Variants in ZNF423 observed in about 807,000 individuals in gnomAD.
ZNF423 encodes Ebf-associated zinc finger protein.
ZNF423 carries 12 observed loss-of-function variants against 95.8 expected under a neutral mutation model. The ratio of observed to expected loss-of-function variants is 0.13; its 90% confidence interval spans 0.08 to 0.20. ZNF423 has a LOEUF of 0.20. Ranked by LOEUF, ZNF423 falls within the 10% of genes least tolerant of loss-of-function variation. The probability of loss-of-function intolerance (pLI) is 1.00; values close to 1 mark genes in which losing one functional copy is unlikely to be tolerated. For synonymous variants in ZNF423, 749 were observed against 711.9 expected (o/e 1.05, Z -0.83); for missense variants, 1,316 against 1,737.1 (o/e 0.76, Z 4.31).
chr16:49,658,732 C>A (rs991227565), intron 3 of ZNF423, among the ~76,000 whole-genome samples: 12 of 152,262 alleles, frequency 7.9e-5, no homozygotes, highest in Non-Finnish European at 1.3e-4. Context: ...GCAGCTGTGG[C>A]AGGGCATTCC....
intron 3 of ZNF423, among the ~76,000 whole-genome samples, chr16:49,667,158 A>G (rs2030586069): frequency 6.6e-6 from 1 of 152,204 alleles, no homozygotes; most frequent in Non-Finnish European, 1.5e-5. Context: ...TTCCTCATCC[A>G]AAAAATAAGA....
At chr16:49,503,244 A>C (rs952584567) in intron 7 of ZNF423, among the ~76,000 whole-genome samples, 1 of 152,138 alleles carries the variant, frequency 6.6e-6, no homozygotes, top group East Asian at 1.9e-4. Context: ...GGGCCCCTTG[A>C]AGGCCCCCTT....
chr16:49,579,936 T>C (rs1970615709), intron 5 of ZNF423, among the ~76,000 whole-genome samples: 1 of 152,062 alleles, frequency 6.6e-6, no homozygotes. Context: ...TTTCAAATTA[T>C]ACCTTGACGC....
chr16:49,848,551 G>A (rs2035269439), intron 1 of ZNF423, among the ~76,000 whole-genome samples: 1 of 152,134 alleles, frequency 6.6e-6, no homozygotes, highest in Non-Finnish European at 1.5e-5. Context: ...CTCCAAAGGT[G>A]ACATCAGCCC....
At chr16:49,701,073 T>C (rs1199214178) in intron 3 of ZNF423, among the ~76,000 whole-genome samples, 3 of 152,190 alleles carry the variant, frequency 2.0e-5, no homozygotes, top group Non-Finnish European at 4.4e-5. Flanking sequence ...AGAGGCCTCT[T>C]TTCAGCAAGC....
intron 1 of ZNF423, among the ~76,000 whole-genome samples, chr16:49,802,557 C>T (rs2143907594): frequency 6.6e-6 from 1 of 152,304 alleles, no homozygotes; most frequent in South Asian, 2.1e-4. Flanking sequence ...ACGATCAGCG[C>T]ACCATGGGAC....
At chr16:49,754,029 CAA>C (rs35566540) in intron 2 of ZNF423, among the ~76,000 whole-genome samples, 78 of 91,526 alleles carry the variant, frequency 8.5e-4, no homozygotes, top group Admixed American at 1.2e-3. Context: ...AAGACTCCGT[CAA>C]AAAAAAAAAA....
chr16:49,553,564 C>A (rs1000303249), intron 5 of ZNF423, among the ~76,000 whole-genome samples: 3 of 151,950 alleles, frequency 2.0e-5, no homozygotes, highest in African/African-American at 7.3e-5. Context: ...CCAGGCTGGT[C>A]TCAAATGCCT....
At chr16:49,848,515 G>C (rs368144920) in intron 1 of ZNF423, among the ~76,000 whole-genome samples, 5 of 128,738 alleles carry the variant, frequency 3.9e-5, no homozygotes, top group Admixed American at 7.5e-5. Flanking sequence ...CCAGGCCTCT[G>C]TCTCTCTCCC....
At chr16:49,573,731 A>C (rs1447356784) in intron 5 of ZNF423, among the ~76,000 whole-genome samples, 2 of 152,172 alleles carry the variant, frequency 1.3e-5, no homozygotes, top group African/African-American at 4.8e-5. Flanking sequence ...ACACATTCAA[A>C]CCATTGCATC....
Position 49,738,954 on chromosome 16 carries a change from A to C in ZNF423, c.101-7983T>G, listed in dbSNP as rs972979408. ...GAGTGCAGTGGAGCTGATGGAACCA[A>C]GTTGTTGAAATAAAGACAGTCATTA... On this transcript the variant is annotated intron_variant, in intron 2 of 7. Coordinates refer to ENST00000563137, the MANE Select transcript of ZNF423 (RefSeq NM_001379286.1). 1.1e-3 allele frequency among the ~76,000 whole-genome samples: 173 copies of C among 152,134 alleles called. 2 individuals carry two copies. The highest frequency in any genetic ancestry group is 4.0e-3 in the African/African-American group (166 of 41,532).
At chr16:49,811,323 G>T (rs983760622) in intron 1 of ZNF423, among the ~76,000 whole-genome samples, 1 of 152,110 alleles carries the variant, frequency 6.6e-6, no homozygotes, top group African/African-American at 2.4e-5. Flanking sequence ...AGCTAGGAGA[G>T]GAGTTAGAGT....
chr16:49,679,399 T>C (rs2151935677), intron 3 of ZNF423, among the ~76,000 whole-genome samples: 1 of 152,256 alleles, frequency 6.6e-6, no homozygotes, highest in Non-Finnish European at 1.5e-5. Context: ...GAGGCCCCCC[T>C]CTCCTGTCCT....
At chr16:49,715,757 G>T (rs1051733187) in intron 3 of ZNF423, among the ~76,000 whole-genome samples, 1 of 151,716 alleles carries the variant, frequency 6.6e-6, no homozygotes, top group African/African-American at 2.4e-5. Context: ...AACAACAAAA[G>T]CCAGACACAG....
intron 1 of ZNF423, among the ~76,000 whole-genome samples, chr16:49,829,814 A>G (rs550360826): frequency 1.3e-5 from 2 of 152,250 alleles, no homozygotes; most frequent in African/African-American, 4.8e-5. Flanking sequence ...AGTGGAGAGG[A>G]GGACAGAAAC....
intron 5 of ZNF423, among the ~76,000 whole-genome samples, chr16:49,571,290 C>T (rs1970347070): frequency 6.6e-6 from 1 of 152,066 alleles, no homozygotes; most frequent in Non-Finnish European, 1.5e-5. Flanking sequence ...TGGGTGGTGC[C>T]TGCCCACCAG....
At chr16:49,806,781 C>A (rs998616532) in intron 1 of ZNF423, among the ~76,000 whole-genome samples, 3 of 151,944 alleles carry the variant, frequency 2.0e-5, no homozygotes, top group Admixed American at 1.3e-4. Flanking sequence ...GTAATCCCAG[C>A]ACTTTGGGAG....
In ZNF423 at chr16:49,637,529, G is replaced by A. The variant is rs781155932; in HGVS notation, c.1647C>T (p.Cys549=). The A allele has an allele frequency of 6.2e-7, 1 of 1,614,130 alleles. No homozygotes were observed. Among genetic ancestry groups the A allele is most frequent in the Non-Finnish European group, 8.5e-7 (1 of 1,180,026 alleles). ...SLTEHIQQAH[C]SVGSAKLESP... is the part of the protein sequence containing the mutation. ...ACTCTAGTTTGGCACTGCCCACACT[G>A]CAGTGGGCCTGCTGGATGTGCTCGG... The change falls in exon 4 of 8, where the codon TGC becomes TGT. Residue 549 remains cysteine, a synonymous_variant. Transcript: ENST00000563137. The surrounding 1 kb of genome is among the most constrained non-coding windows in gnomAD (Gnocchi z 5.6).
At chr16:49,647,894 G>C (rs1040750702) in intron 3 of ZNF423, among the ~76,000 whole-genome samples, 7 of 152,148 alleles carry the variant, frequency 4.6e-5, no homozygotes, top group African/African-American at 1.2e-4. Flanking sequence ...GGTGCTATGA[G>C]AACAAATACC....
Sources: allele counts gnomAD v4.1 joint callset (sites outside exome capture counted in the v4.1 genomes callset), GRCh38; gene constraint gnomAD v4.1.1; non-coding constraint Gnocchi (gnomAD v3.1); transcripts MANE v1.5; gene names NCBI Gene and HGNC (gene_info 2026-07-23, HGNC 2026-07-21).